TBC1D5: variants seen among roughly 807,000 people sequenced by gnomAD.
TBC1D5 encodes the protein TBC1 domain family, member 5.
A neutral mutation model predicts 100.3 loss-of-function variants in TBC1D5; 75 were observed. The ratio of observed to expected loss-of-function variants is 0.75; its 90% CI spans 0.62 to 0.91. The LOEUF is 0.91. Among genes scored for constraint, TBC1D5 ranks in the 40% least tolerant of loss-of-function variants. TBC1D5 has a pLI of 0.00. For synonymous variants in TBC1D5, 323 were observed against 325.6 expected (o/e 0.99, Z 0.09); for missense variants, 910 against 942.4 (o/e 0.97, Z 0.45).
intron 1 of TBC1D5, among the ~76,000 whole-genome samples, chr3:17,649,762 G>A (rs1350238310): frequency 6.6e-6 from 1 of 151,994 alleles, no homozygotes; most frequent in Non-Finnish European, 1.5e-5. Context: ...ACAATTAGAA[G>A]TACCATTTGA....
chr3:17,235,267 C>A (rs1481632316), intron 17 of TBC1D5, among the ~76,000 whole-genome samples: 3 of 152,134 alleles, frequency 2.0e-5, no homozygotes, highest in African/African-American at 7.2e-5. Context: ...CACAACTGTC[C>A]CCCTATCTAA....
chr3:17,568,619 A>C (rs1350740816), intron 2 of TBC1D5, among the ~76,000 whole-genome samples: 1 of 151,614 alleles, frequency 6.6e-6, no homozygotes, highest in East Asian at 1.9e-4. Context: ...TCTTAAGAAG[A>C]TCTTTTAAGA....
At chr3:17,396,703 A>T (rs2093515597) in intron 8 of TBC1D5, among the ~76,000 whole-genome samples, 1 of 152,134 alleles carries the variant, frequency 6.6e-6, no homozygotes, top group African/African-American at 2.4e-5. Context: ...TAATAACTAC[A>T]TTTGACCAAA....
At chr3:17,523,319 T>C (rs1398168170) in intron 2 of TBC1D5, among the ~76,000 whole-genome samples, 1 of 152,080 alleles carries the variant, frequency 6.6e-6, no homozygotes, top group African/African-American at 2.4e-5. Context: ...GAAATAGAGA[T>C]GAGAAGAGAA....
chr3:17,171,785 T>C (rs1223275714), intron 19 of TBC1D5, among the ~76,000 whole-genome samples: 2 of 152,144 alleles, frequency 1.3e-5, no homozygotes, highest in African/African-American at 4.8e-5. Context: ...TGAGACAATA[T>C]TGGACCTAGT....
At chr3:17,380,818 T>C (rs1340783856) in intron 9 of TBC1D5, among the ~76,000 whole-genome samples, 1 of 152,060 alleles carries the variant, frequency 6.6e-6, no homozygotes, top group Non-Finnish European at 1.5e-5. Flanking sequence ...ATTTATATAA[T>C]CTCTGCAATT....
At chr3:17,738,915 T>C (rs1004292387) in intron 1 of TBC1D5, among the ~76,000 whole-genome samples, 1 of 152,226 alleles carries the variant, frequency 6.6e-6, no homozygotes, top group Non-Finnish European at 1.5e-5. Context: ...TACCTAACAT[T>C]TGTAGAATGA....
intron 3 of TBC1D5, among the ~76,000 whole-genome samples, chr3:17,457,420 C>T (rs1483186310): frequency 3.9e-5 from 6 of 152,106 alleles, no homozygotes; most frequent in Non-Finnish European, 7.4e-5. Flanking sequence ...ATTGACCTAT[C>T]TTTCAGCTCA....
At chr3:17,574,924 C>G (rs2096648473) in intron 2 of TBC1D5, among the ~76,000 whole-genome samples, 1 of 152,088 alleles carries the variant, frequency 6.6e-6, no homozygotes, top group South Asian at 2.1e-4. Context: ...ACACTGAAAA[C>G]ATGCTACCCA....
At chr3:17,356,471 A>C (rs1486200616) in intron 13 of TBC1D5, among the ~76,000 whole-genome samples, 1 of 152,216 alleles carries the variant, frequency 6.6e-6, no homozygotes, top group African/African-American at 2.4e-5. Flanking sequence ...ATAATGCTTG[A>C]TATTAGTAGC....
chr3:17,719,230 CT>C lies in TBC1D5; in HGVS notation c.-101+20112del, dbSNP rs1486648755. ...CTAATAACACTGGTCACCATACACA[CT>C]GACAAACCACTAAGGAGAAGCTGCA... On this transcript the variant is annotated intron_variant, in intron 1 of 21. Coordinates refer to ENST00000253692, the Ensembl canonical transcript of TBC1D5. Among the ~76,000 whole-genome samples the C allele has an allele frequency of 2.0e-5, 3 of 152,290 alleles. No individual in the cohort carries two copies. The East Asian group carries it at 5.8e-4, about 29-fold the overall frequency.
intron 2 of TBC1D5, among the ~76,000 whole-genome samples, chr3:17,587,615 G>C (rs1475474568): frequency 6.6e-6 from 1 of 151,872 alleles, no homozygotes; most frequent in Non-Finnish European, 1.5e-5. Flanking sequence ...TGTTTTATTT[G>C]TATGTCGGTT....
At chr3:17,496,504 T>G (rs1009304426) in intron 3 of TBC1D5, among the ~76,000 whole-genome samples, 2 of 151,894 alleles carry the variant, frequency 1.3e-5, no homozygotes, top group East Asian at 3.9e-4. Context: ...AAGGTTTCAA[T>G]AGGCTATATA....
intron 8 of TBC1D5, among the ~76,000 whole-genome samples, chr3:17,388,743 G>A (rs1274328010): frequency 3.3e-5 from 5 of 151,250 alleles, no homozygotes; most frequent in African/African-American, 1.2e-4. Flanking sequence ...CAAACCTGTA[G>A]TCCCAGCTAA....
At chr3:17,197,543 AT>A (rs577739725) in intron 18 of TBC1D5, among the ~76,000 whole-genome samples, 2 of 151,826 alleles carry the variant, frequency 1.3e-5, no homozygotes, top group Non-Finnish European at 2.9e-5. Flanking sequence ...AGCCCAGCTA[AT>A]TTTTTTTGGT....
chr3:17,178,849 T>C (rs2068110097), intron 19 of TBC1D5, among the ~76,000 whole-genome samples: 1 of 152,020 alleles, frequency 6.6e-6, no homozygotes, highest in South Asian at 2.1e-4. Context: ...TCTCCTCTGT[T>C]ATCTAGACTG....
intron 2 of TBC1D5, among the ~76,000 whole-genome samples, chr3:17,520,574 A>G (rs887413944): frequency 1.3e-4 from 20 of 152,300 alleles, no homozygotes; most frequent in Admixed American, 1.1e-3. Flanking sequence ...TCCATCTACC[A>G]TGGGAACAGG....
At chr3:17,412,629 GC>G (rs1276995829) in intron 4 of TBC1D5, among the ~76,000 whole-genome samples, 1 of 152,036 alleles carries the variant, frequency 6.6e-6, no homozygotes. Context: ...CTTACAATGT[GC>G]CTGAAAAGCA....
At chr3:17,398,411 G>A (rs550159932) in intron 8 of TBC1D5, among the ~76,000 whole-genome samples, 2 of 152,192 alleles carry the variant, frequency 1.3e-5, no homozygotes, top group Non-Finnish European at 1.5e-5. Context: ...AAATAATGAT[G>A]GCAGAATCAC....
Sources: allele counts gnomAD v4.1 joint callset (sites outside exome capture counted in the v4.1 genomes callset), GRCh38; gene constraint gnomAD v4.1.1; transcripts MANE v1.5; gene names NCBI Gene and HGNC (gene_info 2026-07-23, HGNC 2026-07-21).